RALYL: variants seen among roughly 807,000 people sequenced by gnomAD.
The protein encoded by RALYL is RALY RNA binding protein like.
A neutral mutation model predicts 35.1 loss-of-function variants in RALYL; 29 were observed. That is an observed-to-expected ratio of 0.83 (90% CI 0.61 to 1.13). The LOEUF is 1.13. Ranked by LOEUF, RALYL falls within the 50% of genes most tolerant of loss-of-function variation. RALYL has a pLI of 0.00. For missense variants in RALYL, 359 were observed against 360.4 expected (o/e 1.00, Z 0.03); for synonymous variants, 120 against 127.6 (o/e 0.94, Z 0.40).
At chr8:84,911,705 T>C (rs1321069113) in intron 8 of RALYL, among the ~76,000 whole-genome samples, 1 of 152,096 alleles carries the variant, frequency 6.6e-6, no homozygotes, top group African/African-American at 2.4e-5. Context: ...CCAGTGCAAG[T>C]CCCAGCTTTT....
chr8:84,364,695 A>G (rs1853831825), intron 1 of RALYL, among the ~76,000 whole-genome samples: 1 of 152,182 alleles, frequency 6.6e-6, no homozygotes, highest in South Asian at 2.1e-4. Context: ...ACACTAAGTT[A>G]TAAATCATCA....
At chr8:84,486,549 T>A (rs982547931) in intron 1 of RALYL, among the ~76,000 whole-genome samples, 2 of 151,902 alleles carry the variant, frequency 1.3e-5, no homozygotes, top group African/African-American at 2.4e-5. Flanking sequence ...TATGCTCATA[T>A]TTGGTCAGAG....
Position 84,807,625 on chromosome 8 carries a change from C to A in RALYL, c.365+2823C>A, listed in dbSNP as rs540167867. ...TATAGTGGTTGTACTAGTTTACATT[C>A]CCACCAGCAGTGTAGAAGTGTTCCC... is the stretch of plus-strand genomic sequence containing the variant. On this transcript the variant is annotated intron_variant, in intron 4 of 8. Coordinates refer to ENST00000521268, the MANE Select transcript of RALYL (RefSeq NM_173848.7). 1.3e-4 allele frequency among the ~76,000 whole-genome samples: 20 copies of A among 152,306 alleles called. No homozygotes were observed. In the East Asian group the frequency reaches 3.7e-3, roughly 28 times the overall value.
At chr8:84,274,013 C>T (rs1188327165) in intron 1 of RALYL, among the ~76,000 whole-genome samples, 2 of 152,152 alleles carry the variant, frequency 1.3e-5, no homozygotes, top group Non-Finnish European at 2.9e-5. Context: ...CATTTTAAAA[C>T]TCATACCCAC....
At chr8:84,658,396 A>G (rs571659584) in intron 2 of RALYL, among the ~76,000 whole-genome samples, 19 of 152,300 alleles carry the variant, frequency 1.2e-4, no homozygotes, top group African/African-American at 4.3e-4. Flanking sequence ...CTCCTTTCCA[A>G]ATTTATGAAA....
chr8:84,308,348 T>C (rs555250812), intron 1 of RALYL, among the ~76,000 whole-genome samples: 4 of 152,084 alleles, frequency 2.6e-5, no homozygotes, highest in South Asian at 2.1e-4. Flanking sequence ...AAGAGACTTA[T>C]TATATATCTT....
chr8:84,483,775 T>C (rs904750454), intron 1 of RALYL, among the ~76,000 whole-genome samples: 1 of 152,120 alleles, frequency 6.6e-6, no homozygotes. Context: ...TTGAAAGCCA[T>C]CTCTGATCAA....
In RALYL at chr8:84,729,949, A is replaced by G. The variant is rs567505178; in HGVS notation, c.257-44630A>G. On this transcript the variant is annotated intron_variant, in intron 2 of 8. Coordinates refer to ENST00000521268, the MANE Select transcript of RALYL (RefSeq NM_173848.7). ...GATGGATTCACAGCTGAATTCTACC[A>G]GAGGTACAAGGAGGAACTGGTACCA... Among the ~76,000 whole-genome samples, 17 of 152,278 alleles carry G rather than the reference A, an allele frequency of 1.1e-4. No homozygotes were observed. In the South Asian group the frequency reaches 3.1e-3, roughly 28 times the overall value.
chr8:84,918,208 G>A (rs1848777397), intron 8 of RALYL, among the ~76,000 whole-genome samples: 1 of 152,006 alleles, frequency 6.6e-6, no homozygotes, highest in African/African-American at 2.4e-5. Flanking sequence ...TGCTACTGAA[G>A]AAGTCATAAG....
intron 5 of RALYL, among the ~76,000 whole-genome samples, chr8:84,851,000 A>G (rs1835747541): frequency 6.6e-6 from 1 of 152,180 alleles, no homozygotes; most frequent in South Asian, 2.1e-4. Flanking sequence ...GAGGAGTATC[A>G]ATATCCCTAT....
At position 84,478,922 on chromosome 8, in the gene RALYL, T is replaced by TAAAAAAAAAAAAAAAAAAAAAAA. The variant is rs1587656659; in HGVS notation, c.-23-50372_-23-50371insAAAAAAAAAAAAAAAAAAAAAAA. On this transcript the variant is annotated intron_variant, in intron 1 of 8. Transcript: ENST00000521268. Reference sequence around the variant, plus strand: ...TAACACCGTGAAACCCCGTCTCTACTAAAAATACAAAACATTAGCCGGGCA... The same window carrying TAAAAAAAAAAAAAAAAAAAAAAA: ...TAACACCGTGAAACCCCGTCTCTACTAAAAAAAAAAAAAAAAAAAAAAAAAAAATACAAAACATTAGCCGGGCA... Among the ~76,000 whole-genome samples, 399 of 84,942 alleles carry TAAAAAAAAAAAAAAAAAAAAAAA rather than the reference T, an allele frequency of 4.7e-3. 34 individuals carry two copies. The highest frequency in any genetic ancestry group is 8.2e-3 in the East Asian group (19 of 2,326). 55.7% of individuals were successfully genotyped at this position (84,942 alleles called of 152,430 possible). A position where few individuals can be genotyped will look rare whatever the true frequency, so the allele number is the denominator to read the frequency against.
At chr8:84,773,115 A>G (rs1284338654) in intron 2 of RALYL, among the ~76,000 whole-genome samples, 1 of 152,122 alleles carries the variant, frequency 6.6e-6, no homozygotes, top group Non-Finnish European at 1.5e-5. Flanking sequence ...TGCCCGCTGA[A>G]CCACAAGGAT....
At chr8:84,769,498 C>T (rs1814907890) in intron 2 of RALYL, among the ~76,000 whole-genome samples, 1 of 152,126 alleles carries the variant, frequency 6.6e-6, no homozygotes, top group African/African-American at 2.4e-5. Flanking sequence ...GTGGCTCACA[C>T]CTCTGTAATC....
chr8:84,425,118 C>A (rs1457857242), intron 1 of RALYL, among the ~76,000 whole-genome samples: 2 of 152,244 alleles, frequency 1.3e-5, no homozygotes, highest in Non-Finnish European at 2.9e-5. Flanking sequence ...CCTAAGCAAG[C>A]CTGGGCAATG....
chr8:84,532,769 T>TA (rs967444358), intron 2 of RALYL, among the ~76,000 whole-genome samples: 10 of 152,094 alleles, frequency 6.6e-5, no homozygotes, highest in African/African-American at 2.4e-4. Context: ...ATTTAGAGAT[T>TA]AAAAATTAAA....
intron 2 of RALYL, among the ~76,000 whole-genome samples, chr8:84,561,336 G>A (rs1206489906): frequency 6.6e-6 from 1 of 151,978 alleles, no homozygotes; most frequent in Non-Finnish European, 1.5e-5. Context: ...AGACTGGATT[G>A]TAGAGGGGAA....
intron 7 of RALYL, among the ~76,000 whole-genome samples, chr8:84,878,216 C>A (rs1236707265): frequency 6.6e-6 from 1 of 152,104 alleles, no homozygotes; most frequent in African/African-American, 2.4e-5. Context: ...GGTCTCAGGG[C>A]TGGTAGACAA....
intron 1 of RALYL, 58 bp downstream of exon 1, chr8:84,184,482 A>T (rs1393977218): frequency 6.5e-6 from 1 of 154,140 alleles, no homozygotes; most frequent in Admixed American, 6.5e-5. Flanking sequence ...TGGTCCTAGC[A>T]AAGAAATGTG....
At chr8:84,911,511 A>G (rs1847507385) in intron 8 of RALYL, among the ~76,000 whole-genome samples, 1 of 152,116 alleles carries the variant, frequency 6.6e-6, no homozygotes. Flanking sequence ...AACACAGAAC[A>G]CTTCTATGAC....
Sources: gnomAD v4.1 joint callset for allele counts (sites outside exome capture counted in the v4.1 genomes callset) on GRCh38, gnomAD v4.1.1 for gene constraint, MANE v1.5 for transcripts, NCBI Gene and HGNC (gene_info 2026-07-23, HGNC 2026-07-21) for gene names.